The following ZNF747 variants were observed in gnomAD, a reference collection of about 807,000 sequenced individuals.
ZNF747 encodes the protein KRAB domain-containing protein ZNF747.
In ZNF747, 14 loss-of-function variants were observed where a neutral mutation model predicts 13.4. That is an observed-to-expected ratio of 1.04 (90% CI 0.69 to 1.63). ZNF747 has a LOEUF of 1.63. Among genes scored for constraint, ZNF747 ranks in the 40% most tolerant of loss-of-function variants. The pLI, the probability that ZNF747 is intolerant of heterozygous loss-of-function variation, is 0.00. For synonymous variants in ZNF747, 212 were observed against 206.5 expected (o/e 1.03, Z -0.23); for missense variants, 532 against 477.9 (o/e 1.11, Z -1.05).
chr16:30,532,737 A>AGCG lies in ZNF747; in HGVS notation c.755_757dup (p.Ala252_Leu253insPro). 1.3e-6 allele frequency: 2 copies of AGCG among 1,541,704 alleles called. No individual in the cohort carries two copies. Among genetic ancestry groups the AGCG allele is most frequent in the Admixed American group, 2.0e-5 (1 of 51,026 alleles). ...AGTGTGAACGCGCAGGTGAGAAGTC[A>AGCG]GCGCCGTGCGGCGCATGAAGGCCCG... On this transcript the variant is annotated inframe_insertion, in exon 3 of 3. Coordinates refer to ENST00000693075, the MANE Select transcript of ZNF747 (RefSeq NM_001305018.2).
chr16:30,534,714 C>T lies in ZNF747; in HGVS notation c.-35G>A. The T allele has an allele frequency of 6.7e-7, 1 of 1,481,786 alleles. No individual in the cohort carries two copies. Among genetic ancestry groups the T allele is most frequent in the South Asian group, 1.3e-5 (1 of 75,752 alleles). 91.8% of individuals were successfully genotyped at this position (1,481,786 alleles called of 1,614,324 possible). A position where few individuals can be genotyped will look rare whatever the true frequency, so the allele number is the denominator to read the frequency against. On this transcript the variant is annotated 5_prime_UTR_variant, in exon 1 of 3. Coordinates refer to ENST00000693075, the MANE Select transcript of ZNF747 (RefSeq NM_001305018.2). ...CCAGGCCTGGGCATGCGGAACCTCC[C>T]GCGCCCGAGAACACTTCCCCGGCCC...
chr16:30,533,216 G>A (rs1473863359), intron 2 of ZNF747, 65 bp from the exon 3 acceptor site: 5 of 1,603,774 alleles, frequency 3.1e-6, no homozygotes, highest in Non-Finnish European at 3.4e-6. Context: ...CACAGCCCGC[G>A]TGGACAGGGA....
In ZNF747 at chr16:30,532,551, T is replaced by TC; in HGVS notation, c.943dup (p.Asp315GlyfsTer21). ...ATACAGCTGGAAGCCCACAGGCGGG[T>TC]CCAGGTCCCCGCGGACAGGAGTCAG... is the stretch of plus-strand genomic sequence containing the variant. On this transcript the variant is annotated frameshift_variant, in exon 3 of 3. Transcript: ENST00000693075. LOFTEE classifies it high-confidence loss of function. 1 of 1,591,176 alleles carries TC rather than the reference T, an allele frequency of 6.3e-7. No homozygotes were observed. The highest frequency in any genetic ancestry group is 2.3e-5 in the East Asian group (1 of 43,698).
chr16:30,534,669 G>T lies in ZNF747; in HGVS notation c.11C>A (p.Pro4Gln). 1 of 1,545,878 alleles carries T rather than the reference G, an allele frequency of 6.5e-7. No homozygotes were observed. Among genetic ancestry groups the T allele is most frequent in the East Asian group, 2.4e-5 (1 of 41,946 alleles). MTD[P>Q]SLGLTVPMAP... ...CATGGGGACTGTCAGCCCCAGCGAC[G>T]GATCGGTCATCTCCCCTGGCCAGGC... The change falls in exon 1 of 3, where the codon CCG (proline) becomes CAG (glutamine). Residue 4 changes from proline to glutamine, a missense_variant. By Grantham distance (76) the Pro-to-Gln change is moderately conservative (BLOSUM62 -1). Coordinates refer to ENST00000693075, the MANE Select transcript of ZNF747 (RefSeq NM_001305018.2).
rs1010483882 is a variant in ZNF747 at position 30,534,493 on chromosome 16, G to A, written c.187C>T (p.Arg63Trp). The change falls in exon 1 of 3, where the codon CGG (arginine) becomes TGG (tryptophan). Residue 63 changes from arginine to tryptophan, a missense_variant. Coordinates refer to ENST00000693075, the MANE Select transcript of ZNF747 (RefSeq NM_001305018.2). The part of the protein sequence containing the change: ...CLRPAQRALY[R>W]DVMRETYGHL... ...CCGTAGGTCTCCCGCATCACGTCCC[G>A]GTACAGGGCCCTCTGCGCGGGCCGC... 1 of 1,608,396 alleles carries A rather than the reference G, an allele frequency of 6.2e-7. No individual in the cohort carries two copies. The highest frequency in any genetic ancestry group is 1.3e-5 in the African/African-American group (1 of 74,900).
At position 30,532,710 on chromosome 16, in the gene ZNF747, C is replaced by T; in HGVS notation, c.785G>A (p.Gly262Asp). Residue 262 changes from glycine (G) to aspartate (D), a missense_variant, in exon 3 of 3, where the codon GGC (glycine) becomes GAC (aspartate). By Grantham distance (94) the Gly-to-Asp change is moderately conservative. Transcript: ENST00000693075. ...CTGCGGGCAGCGGTAGGGCTTCTCG[C>T]CAGTGTGAACGCGCAGGTGAGAAGT... is the stretch of plus-strand genomic sequence containing the variant. ...ALTSHLRVHT[G>D]EKPYRCPQCG... The T allele has an allele frequency of 6.5e-7, 1 of 1,539,358 alleles. No individual in the cohort carries two copies. Among genetic ancestry groups the T allele is most frequent in the Non-Finnish European group, 8.7e-7 (1 of 1,146,844 alleles).
At position 30,532,926 on chromosome 16, in the gene ZNF747, C is replaced by A. The variant is rs750063099; in HGVS notation, c.569G>T (p.Ser190Ile). 2.5e-6 allele frequency: 4 copies of A among 1,604,806 alleles called. No homozygotes were observed. In the South Asian group the frequency reaches 4.4e-5, roughly 18 times the overall value. The change falls in exon 3 of 3, where the codon AGC becomes ATC. Residue 190 changes from serine (S) to isoleucine (I), a missense_variant. Transcript: ENST00000693075. ...CACCAGTGTGGAGCGCCAGGCGAAG[C>A]TCTTCCCGCACACGTAGCAGCCGTG... ...QRHGCYVCGKSFAWRSTLVEH... is the reference protein window; with the variant it reads ...QRHGCYVCGKIFAWRSTLVEH...
intron 2 of ZNF747, among the ~76,000 whole-genome samples, chr16:30,533,409 C>T (rs147029954): frequency 1.1e-4 from 17 of 152,174 alleles, no homozygotes; most frequent in Non-Finnish European, 2.1e-4. Context: ...GAATAAGAAG[C>T]GGACACCTGG....
chr16:30,534,815 C>T lies in ZNF747; in HGVS notation c.-136G>A, dbSNP rs1002886018. On this transcript the variant is annotated 5_prime_UTR_variant, in exon 1 of 3. Coordinates refer to ENST00000693075, the MANE Select transcript of ZNF747 (RefSeq NM_001305018.2). ...GGGGATGGAAACTAAGGGCCGATGG[C>T]TGCGAGTCCATGGTCAGAACTGGAC... 3 of 1,304,934 alleles carry T rather than the reference C, an allele frequency of 2.3e-6. No individual in the cohort carries two copies. Among genetic ancestry groups the T allele is most frequent in the African/African-American group, 3.0e-5 (2 of 66,710 alleles). The allele number at this position is 1,304,934 out of a possible 1,614,324, so 80.8% of individuals were successfully genotyped here.
chr16:30,532,633 G>A lies in ZNF747; in HGVS notation c.862C>T (p.His288Tyr), dbSNP rs565362011. ...CTACGCCCCTCGCCCCCGGGCCGAT[G>A]GACCCATTGGTGCTTGGCCATGCCG... ...KTGMAKHQWV[H>Y]RPGGEGRRGR... Residue 288 changes from histidine (H) to tyrosine (Y), a missense_variant, in exon 3 of 3, where the codon CAT becomes TAT. Transcript: ENST00000693075. 3.2e-6 allele frequency: 5 copies of A among 1,542,494 alleles called. No individual in the cohort carries two copies. The highest frequency in any genetic ancestry group is 2.0e-5 in the Admixed American group (1 of 51,196).
At chr16:30,534,344 G>A in intron 1 of ZNF747, 34 bp from the exon 2 acceptor site, 2 of 1,558,330 alleles carry the variant, frequency 1.3e-6, no homozygotes, top group South Asian at 1.2e-5. Flanking sequence ...CACGCTGCGA[G>A]GAGGCCGCCT....
rs1299078885 is a variant in ZNF747 at position 30,532,826 on chromosome 16, G to A, written c.669C>T (p.Ser223=). 1.9e-6 allele frequency: 3 copies of A among 1,577,448 alleles called. No individual in the cohort carries two copies. Among genetic ancestry groups the A allele is most frequent in the Non-Finnish European group, 2.6e-6 (3 of 1,164,362 alleles). The part of the protein sequence containing the change: ...ADCGKGFGHA[S]SLSKHRAIHR... ...GGATGGCCCGGTGTTTGCTCAGGGA[G>A]GAAGCGTGGCCGAAGCCCTTGCCGC... Residue 223 remains serine, a synonymous_variant, in exon 3 of 3, where the codon TCC becomes TCT. Transcript: ENST00000693075.
chr16:30,534,753 G>A lies in ZNF747; in HGVS notation c.-74C>T, dbSNP rs2051433323. ...CTTCCCCGGCCCGGTACCAAGGGAA[G>A]GAGGGACGTCAGTAGAGCCCCCGAA... On this transcript the variant is annotated 5_prime_UTR_variant, in exon 1 of 3. Transcript: ENST00000693075. 6.9e-7 allele frequency: 1 copy of A among 1,453,188 alleles called. No homozygotes were observed. The highest frequency in any genetic ancestry group is 9.0e-7 in the Non-Finnish European group (1 of 1,107,132). The allele number at this position is 1,453,188 out of a possible 1,614,324, so 90.0% of individuals were successfully genotyped here.
Position 30,534,306 on chromosome 16 carries a change from G to C in ZNF747, c.234C>G (p.Val78=). ...ETYGHLGALG[V]GGSKPALISW... The stretch of plus-strand genomic sequence containing the variant: ...AGATGAGCGCCGGCTTGCTGCCTCC[G>C]ACTCCTGGGGGAGAAGAACGCAAAC... The change falls in exon 2 of 3, where the codon GTC becomes GTG. Residue 78 remains valine, a synonymous_variant. Transcript: ENST00000693075. 1 of 1,572,198 alleles carries C rather than the reference G, an allele frequency of 6.4e-7. No individual in the cohort carries two copies. Among genetic ancestry groups the C allele is most frequent in the Non-Finnish European group, 8.6e-7 (1 of 1,159,202 alleles).
In ZNF747 at chr16:30,532,191, A is replaced by G. The variant is rs2051384285; in HGVS notation, c.*308T>C. 2 of 474,572 alleles carry G rather than the reference A, an allele frequency of 4.2e-6. No homozygotes were observed. The highest frequency in any genetic ancestry group is 7.5e-6 in the Non-Finnish European group (2 of 268,312). 29.4% of individuals were successfully genotyped at this position (474,572 alleles called of 1,614,324 possible). A position where few individuals can be genotyped will look rare whatever the true frequency, so the allele number is the denominator to read the frequency against. ...AAAAGAAAAAGACAACAGAGAAAACAAGGTTCTTCTCTACCTCAATCCTCT... is the reference window on the plus strand; with the variant it reads ...AAAAGAAAAAGACAACAGAGAAAACGAGGTTCTTCTCTACCTCAATCCTCT... On this transcript the variant is annotated 3_prime_UTR_variant, in exon 3 of 3. Coordinates refer to ENST00000693075, the MANE Select transcript of ZNF747 (RefSeq NM_001305018.2).
chr16:30,533,589 G>C (rs1273405662), intron 2 of ZNF747, among the ~76,000 whole-genome samples: 1 of 151,974 alleles, frequency 6.6e-6, no homozygotes, highest in African/African-American at 2.4e-5. Flanking sequence ...CGACTGGAGC[G>C]GGTCATGATG....
chr16:30,533,883 AT>A (rs2051415567), intron 2 of ZNF747, among the ~76,000 whole-genome samples: 1 of 152,034 alleles, frequency 6.6e-6, no homozygotes, highest in East Asian at 1.9e-4. Context: ...GCAGTGAGCT[AT>A]GATGGCGCCA....
At position 30,534,595 on chromosome 16, in the gene ZNF747, A is replaced by G. The variant is rs2151219844; in HGVS notation, c.85T>C (p.Ser29Pro). Residue 29 changes from serine (S) to proline (P), a missense_variant, in exon 1 of 3, where the codon TCC (serine) becomes CCC (proline). Transcript: ENST00000693075. ...ACGGCCCCGGGCTTTCTCCACTCGG[A>G]TCCCGCCCCGTTTGGGTCCCGGGGA... ...LPPRDPNGAG[S>P]EWRKPGAVSF... 3 of 1,600,590 alleles carry G rather than the reference A, an allele frequency of 1.9e-6. No individual in the cohort carries two copies. Among genetic ancestry groups the G allele is most frequent in the Non-Finnish European group, 2.6e-6 (3 of 1,175,482 alleles).
rs1242448009 is a variant in ZNF747 at position 30,532,441 on chromosome 16, G to A, written c.*58C>T. On this transcript the variant is annotated 3_prime_UTR_variant, in exon 3 of 3. Coordinates refer to ENST00000693075, the MANE Select transcript of ZNF747 (RefSeq NM_001305018.2). ...TCCCTGCAGGCCGCTGCAGAGGTTCGGGCCCCTGAGCCCATCTCGGGCCGC... is the reference window on the plus strand; with the variant it reads ...TCCCTGCAGGCCGCTGCAGAGGTTCAGGCCCCTGAGCCCATCTCGGGCCGC... 5.8e-6 allele frequency: 9 copies of A among 1,540,788 alleles called. No homozygotes were observed. The highest frequency in any genetic ancestry group is 1.9e-5 in the Admixed American group (1 of 52,470).
Sources: gnomAD v4.1 joint callset for allele counts (sites outside exome capture counted in the v4.1 genomes callset) on GRCh38, gnomAD v4.1.1 for gene constraint, MANE v1.5 for transcripts, NCBI Gene and HGNC (gene_info 2026-07-23, HGNC 2026-07-21) for gene names.